Variants in MSI2 observed in about 807,000 individuals in gnomAD.
MSI2 encodes the protein musashi RNA binding protein 2, also known as RNA-binding protein Musashi homolog 2.
Under a neutral mutation model 45.6 loss-of-function variants are expected in MSI2, and 17 were observed. The observed-to-expected ratio is 0.37, with a 90% confidence interval of 0.26 to 0.56. The LOEUF (loss-of-function observed/expected upper bound fraction) is 0.56, where lower values mean the gene tolerates loss of function less well. Among genes scored for constraint, MSI2 ranks in the 20% least tolerant of loss-of-function variants. MSI2 has a pLI of 0.77. For synonymous variants in MSI2, 156 were observed against 158.2 expected (o/e 0.99, Z 0.11); for missense variants, 293 against 444.2 (o/e 0.66, Z 3.06).
intron 5 of MSI2, among the ~76,000 whole-genome samples, chr17:57,390,858 G>T (rs2083777223): frequency 6.6e-6 from 1 of 152,146 alleles, no homozygotes; most frequent in South Asian, 2.1e-4. Flanking sequence ...GTATCCGAGG[G>T]TCTGTAGTCT....
chr17:57,464,181 G>A (rs1405982900), intron 6 of MSI2, among the ~76,000 whole-genome samples: 4 of 152,258 alleles, frequency 2.6e-5, no homozygotes, highest in Admixed American at 1.3e-4. Context: ...AGTGGCTCAC[G>A]CTTGTAATTC....
intron 5 of MSI2, among the ~76,000 whole-genome samples, chr17:57,275,923 C>G (rs1168882691): frequency 6.6e-6 from 1 of 152,092 alleles, no homozygotes; most frequent in Non-Finnish European, 1.5e-5. Flanking sequence ...TTCAGGACCC[C>G]CTCCCTCCTT....
intron 10 of MSI2, among the ~76,000 whole-genome samples, chr17:57,644,803 T>C (rs1055195926): frequency 6.6e-6 from 1 of 152,116 alleles, no homozygotes; most frequent in Non-Finnish European, 1.5e-5. Context: ...CAAAAGAGTC[T>C]TTTATAAAGA....
chr17:57,595,814 G>A (rs938119907), intron 7 of MSI2, among the ~76,000 whole-genome samples: 1 of 152,200 alleles, frequency 6.6e-6, no homozygotes, highest in African/African-American at 2.4e-5. Context: ...GTGACAGGAG[G>A]TGTGAAACCC....
At chr17:57,655,353 C>T (rs1409220328) in intron 11 of MSI2, among the ~76,000 whole-genome samples, 1 of 152,162 alleles carries the variant, frequency 6.6e-6, no homozygotes, top group Non-Finnish European at 1.5e-5. Context: ...CCACCCAAAC[C>T]TAAATTCAGT....
At position 57,343,322 on chromosome 17, in the gene MSI2, C is replaced by CT. The variant is rs555791940; in HGVS notation, c.313-58044dup. 2.3e-3 allele frequency among the ~76,000 whole-genome samples: 325 copies of CT among 142,542 alleles called. 1 individual carries two copies. Among genetic ancestry groups the CT allele is most frequent in the African/African-American group, 5.6e-3 (220 of 39,032 alleles). The allele number at this position is 142,542 out of a possible 152,430, so 93.5% of individuals were successfully genotyped here. A position where few individuals can be genotyped will look rare whatever the true frequency, so the allele number is the denominator to read the frequency against. On this transcript the variant is annotated intron_variant, in intron 5 of 13. Transcript: ENST00000284073. ...ACTGTCTTTCCTTCTCTCCCTTTTG[C>CT]TTTTTTTTTTTTTATTTGGAGGTAA... is the stretch of plus-strand genomic sequence containing the variant.
rs115232170 is a variant in MSI2 at position 57,297,395 on chromosome 17, T to C, written c.312+35203T>C. 4.2e-3 allele frequency among the ~76,000 whole-genome samples: 641 copies of C among 152,226 alleles called. 4 individuals are homozygous for C. The highest frequency in any genetic ancestry group is 0.015 in the African/African-American group (605 of 41,522). ...ACTGTAGTCAATATTAAGTGTGCAA[T>C]ACATTATGCCTAAAAAACAATGTGC... On this transcript the variant is annotated intron_variant, in intron 5 of 13. Transcript: ENST00000284073.
chr17:57,541,864 G>C (rs143925723), intron 7 of MSI2, among the ~76,000 whole-genome samples: 1 of 152,260 alleles, frequency 6.6e-6, no homozygotes, highest in East Asian at 1.9e-4. Context: ...TTGGTATCAG[G>C]AAATAACTGA....
At chr17:57,631,906 G>A in intron 10 of MSI2, 1 of 1,581,152 alleles carries the variant, frequency 6.3e-7, no homozygotes, top group Non-Finnish European at 8.6e-7. Flanking sequence ...GGCCTGGGCT[G>A]CCCCCGCTCC....
intron 6 of MSI2, among the ~76,000 whole-genome samples, chr17:57,516,352 T>C (rs1425133811): frequency 6.6e-6 from 1 of 152,184 alleles, no homozygotes; most frequent in African/African-American, 2.4e-5. Context: ...CTCTGGTCAG[T>C]TGTGCACCAG....
At chr17:57,449,601 A>G (rs979648598) in intron 6 of MSI2, 1 of 152,218 alleles carries the variant, frequency 6.6e-6, no homozygotes, top group African/African-American at 2.4e-5. Flanking sequence ...TCTATTTTCA[A>G]GAAGTAAATT....
At position 57,596,001 on chromosome 17, in the gene MSI2, A is replaced by C. The variant is rs1905215540; in HGVS notation, c.455-867A>C. Among the ~76,000 whole-genome samples, 1 of 152,166 alleles carries C rather than the reference A, an allele frequency of 6.6e-6. No homozygotes were observed. On this transcript the variant is annotated intron_variant, in intron 7 of 13. Transcript: ENST00000284073. The surrounding 1 kb of genome is among the most constrained non-coding windows in gnomAD (Gnocchi z 4.6). ...TGTGCTCCCTCGCCATGTTAACGCT[A>C]CCATGTGGCAGCTGCATCCCATCCA...
At chr17:57,396,621 T>G (rs1003517960) in intron 5 of MSI2, among the ~76,000 whole-genome samples, 1 of 152,234 alleles carries the variant, frequency 6.6e-6, no homozygotes, top group Non-Finnish European at 1.5e-5. Context: ...GGCCAGTTCT[T>G]ACGTGTAAAC....
At chr17:57,640,649 C>T (rs1341703802) in intron 10 of MSI2, among the ~76,000 whole-genome samples, 3 of 152,288 alleles carry the variant, frequency 2.0e-5, no homozygotes, top group South Asian at 2.1e-4. Context: ...AGTTAAGTAA[C>T]TTGTCTTGGG....
In MSI2 at chr17:57,349,314, T is replaced by TGC. The variant is rs1361015673; in HGVS notation, c.313-52064_313-52063dup. Among the ~76,000 whole-genome samples, 3 of 152,292 alleles carry TGC rather than the reference T, an allele frequency of 2.0e-5. No individual in the cohort carries two copies. In the East Asian group the frequency reaches 5.8e-4, roughly 29 times the overall value. ...CTCCGTGTGTGTGTTTGTGTGTGTG[T>TGC]GCACGTGCGCTTCCATCCCTGAGCT... On this transcript the variant is annotated intron_variant, in intron 5 of 13. Coordinates refer to ENST00000284073, the MANE Select transcript of MSI2 (RefSeq NM_138962.4).
chr17:57,257,595 A>C (rs1393019508), intron 3 of MSI2, 48 bp downstream of exon 3: 1 of 1,398,604 alleles, frequency 7.1e-7, no homozygotes, highest in South Asian at 1.2e-5. Context: ...AACAAAGTTT[A>C]AGTTTTATTT....
At chr17:57,578,414 G>A (rs777221586) in intron 7 of MSI2, among the ~76,000 whole-genome samples, 19 of 152,036 alleles carry the variant, frequency 1.2e-4, no homozygotes, top group Non-Finnish European at 2.2e-4. Context: ...GGGCTCTGCC[G>A]CTGAAGGAGC....
chr17:57,535,299 G>A (rs894434242), intron 7 of MSI2, among the ~76,000 whole-genome samples: 6 of 152,212 alleles, frequency 3.9e-5, no homozygotes, highest in African/African-American at 1.4e-4. Context: ...AGAGCCCTGG[G>A]TTCCTGAGCC....
At chr17:57,257,436 C>T (rs748867299) in intron 2 of MSI2, 30 bp from the exon 3 acceptor site, 1 of 1,166,872 alleles carries the variant, frequency 8.6e-7, no homozygotes, top group Non-Finnish European at 1.3e-6. Context: ...CTTCTCTCCC[C>T]CCCCCATCTC....
Sources: allele counts gnomAD v4.1 joint callset (sites outside exome capture counted in the v4.1 genomes callset), GRCh38; gene constraint gnomAD v4.1.1; non-coding constraint Gnocchi (gnomAD v3.1); transcripts MANE v1.5; gene names NCBI Gene and HGNC (gene_info 2026-07-23, HGNC 2026-07-21).